THRA: variants seen among roughly 807,000 people sequenced by gnomAD.
The protein encoded by THRA is thyroid hormone receptor alpha.
Under a neutral mutation model 45.0 loss-of-function variants are expected in THRA, and 13 were observed. The ratio of observed to expected loss-of-function variants is 0.29; its 90% confidence interval spans 0.19 to 0.46. The LOEUF (loss-of-function observed/expected upper bound fraction) is 0.46. Ranked by LOEUF, THRA falls within the 20% of genes least tolerant of loss-of-function variation. THRA has a pLI of 1.00. For synonymous variants in THRA, 195 were observed against 214.0 expected (o/e 0.91, Z 0.78); for missense variants, 278 against 556.1 (o/e 0.50, Z 5.03).
downstream of THRA, chr17:40,093,425 C>T (rs557357052): frequency 1.7e-4 from 262 of 1,577,290 alleles, 1 homozygote; most frequent in South Asian, 1.7e-3. The surrounding 1 kb of genome is among the most constrained non-coding windows in gnomAD (Gnocchi z 5.9). Context: ...GAGTGCCATA[C>T]CTTCTCCCAG....
chr17:40,065,773 G>T (rs936292480), intron 1 of THRA, among the ~76,000 whole-genome samples: 4 of 42,746 alleles, frequency 9.4e-5, no homozygotes, highest in Middle Eastern at 0.011. Flanking sequence ...AATGGGGGAA[G>T]GGGGGGGGGG....
intron 4 of THRA, among the ~76,000 whole-genome samples, chr17:40,078,375 A>G (rs1004462776): frequency 1.1e-4 from 17 of 152,170 alleles, no homozygotes; most frequent in Non-Finnish European, 2.4e-4. Context: ...CCAGCTACTC[A>G]GGAGGCTGAG....
upstream of THRA, chr17:40,062,279 A>T (rs1986383464): frequency 1.3e-5 from 2 of 152,086 alleles, no homozygotes; most frequent in African/African-American, 4.8e-5. Context: ...GAGGCAGTGG[A>T]TCGGTATTGA....
rs1036996678 is a variant in THRA at position 40,086,640 on chromosome 17, G to A, written c.577-67G>A. On this transcript the variant is annotated intron_variant, in intron 6 of 8. Transcript: ENST00000450525. ...GCTGCCTTGGAGCTCCCCCTGGTGGGCAGGGAGCCTCAGTGAGAGGCTGAA... is the reference window on the plus strand; with the variant it reads ...GCTGCCTTGGAGCTCCCCCTGGTGGACAGGGAGCCTCAGTGAGAGGCTGAA... The A allele has an allele frequency of 5.7e-6, 9 of 1,572,642 alleles. No individual in the cohort carries two copies. In the African/African-American group the frequency reaches 9.4e-5, roughly 17 times the overall value.
At chr17:40,093,339 C>T (rs750131551), downstream of THRA, 18 of 1,612,988 alleles carry the variant, frequency 1.1e-5, no homozygotes, top group South Asian at 8.8e-5. The surrounding 1 kb of genome is among the most constrained non-coding windows in gnomAD (Gnocchi z 5.9). Context: ...GAGGAGGAAC[C>T]GGAGGTCTGC....
chr17:40,086,834 A>T lies in THRA; in HGVS notation c.704A>T (p.Lys235Ile). 1 of 1,614,092 alleles carries T rather than the reference A, an allele frequency of 6.2e-7. No individual in the cohort carries two copies. The highest frequency in any genetic ancestry group is 1.7e-5 in the Admixed American group (1 of 60,006). Residue 235 changes from lysine (K) to isoleucine (I), a missense_variant, in exon 7 of 9, where the codon AAA (lysine) becomes ATA (isoleucine). Physicochemically the swap from Lys to Ile is moderately radical, Grantham distance 102. Transcript: ENST00000450525. ...AITRVVDFAK[K>I]LPMFSELPCE... is the part of the protein sequence containing the mutation. ...ACCCGTGTGGTGGACTTTGCCAAAA[A>T]ACTGCCCATGTTCTCCGAGGTGAGT... is the stretch of plus-strand genomic sequence containing the variant.
chr17:40,077,023 AGTAATT>A, intron 3 of THRA, 85 bp downstream of exon 3: 1 of 1,400,792 alleles, frequency 7.1e-7, no homozygotes, highest in Non-Finnish European at 1.0e-6. Context: ...GATGTGGAAC[AGTAATT>A]CATGTGTTCC....
intron 4 of THRA, 32 bp from the exon 5 acceptor site, chr17:40,083,803 G>T (rs1987228400): frequency 6.4e-7 from 1 of 1,567,762 alleles, no homozygotes; most frequent in African/African-American, 1.4e-5. Context: ...GCCATGTCAT[G>T]ATCACAGCCT....
At chr17:40,076,816 G>A in intron 2 of THRA, 55 bp from the exon 3 acceptor site, 2 of 1,585,954 alleles carry the variant, frequency 1.3e-6, no homozygotes, top group East Asian at 2.2e-5. Context: ...TCTCGGATGA[G>A]AAAGGGGCTA....
chr17:40,089,305 C>A lies in THRA; in HGVS notation c.1082C>A (p.Pro361Gln), dbSNP rs1428715390. The change falls in exon 9 of 9, where the codon CCG (proline) becomes CAG (glutamine). Residue 361 changes from proline to glutamine, a missense_variant. By Grantham distance (76) the Pro-to-Gln change is moderately conservative. Coordinates refer to ENST00000450525, the MANE Select transcript of THRA (RefSeq NM_199334.5). The surrounding 1 kb of genome is among the most constrained non-coding windows in gnomAD (Gnocchi z 6.1). Reference protein sequence around the residue: ...HYVNHRKHNIPHFWPKLLMKV... With the variant: ...HYVNHRKHNIQHFWPKLLMKV... The stretch of plus-strand genomic sequence containing the variant: ...GTCAACCACCGCAAACACAACATTC[C>A]GCACTTCTGGCCCAAGCTGCTGATG... 6.2e-7 allele frequency: 1 copy of A among 1,614,166 alleles called. No individual in the cohort carries two copies. The highest frequency in any genetic ancestry group is 8.5e-7 in the Non-Finnish European group (1 of 1,180,036).
intron 4 of THRA, among the ~76,000 whole-genome samples, 184 bp downstream of exon 4, chr17:40,077,792 G>A (rs534219603): frequency 6.6e-6 from 1 of 152,180 alleles, no homozygotes; most frequent in South Asian, 2.1e-4. Context: ...CCGCCTTCAG[G>A]TTCAAGTGAT....
At chr17:40,077,210 A>C (rs911444975) in intron 3 of THRA, among the ~76,000 whole-genome samples, 2 of 152,140 alleles carry the variant, frequency 1.3e-5, no homozygotes, top group Non-Finnish European at 2.9e-5. Context: ...TGAAGGACTG[A>C]GGGGCTGTAT....
intron 6 of THRA, among the ~76,000 whole-genome samples, chr17:40,085,287 A>C: frequency 6.6e-6 from 1 of 152,128 alleles, no homozygotes; most frequent in East Asian, 1.9e-4. Context: ...GCTTGAGCCC[A>C]GGAGTTTGAG....
At position 40,091,269 on chromosome 17, in the gene THRA, C is replaced by T. The variant is rs1987532660; in HGVS notation, c.*1813C>T. The stretch of plus-strand genomic sequence containing the variant: ...ACACACACACACACACACACACACA[C>T]ACGGACATGCACACACGGACATGGG... On this transcript the variant is annotated 3_prime_UTR_variant, in exon 9 of 9. Transcript: ENST00000450525. 6.5e-6 allele frequency: 1 copy of T among 152,904 alleles called. No homozygotes were observed. Among genetic ancestry groups the T allele is most frequent in the Non-Finnish European group, 1.4e-5 (1 of 69,650 alleles). The allele number at this position is 152,904 out of a possible 1,614,324, so 9.5% of individuals were successfully genotyped here.
chr17:40,089,634 C>T lies in THRA; in HGVS notation c.*178C>T, dbSNP rs1598398956. On this transcript the variant is annotated 3_prime_UTR_variant, in exon 9 of 9. Transcript: ENST00000450525. This position sits in a 1 kb window ranked among gnomAD's most constrained non-coding sequence, Gnocchi z 6.1. ...CCAGGTCCCTCCTCAGACCTCCAGC[C>T]CTGGGACAGGGCAAACAACTGAACT... 3 of 1,432,430 alleles carry T rather than the reference C, an allele frequency of 2.1e-6. No homozygotes were observed. Among genetic ancestry groups the T allele is most frequent in the East Asian group, 2.5e-5 (1 of 39,994 alleles). The allele number at this position is 1,432,430 out of a possible 1,614,324, so 88.7% of individuals were successfully genotyped here.
intron 7 of THRA, 118 bp from the exon 8 acceptor site, chr17:40,088,124 C>T (rs1987396702): frequency 7.3e-7 from 1 of 1,376,992 alleles, no homozygotes; most frequent in Admixed American, 2.6e-5. Context: ...ACAAGGTCAG[C>T]CGTTCAGAGT....
At chr17:40,065,733 A>G (rs1986531865) in intron 1 of THRA, among the ~76,000 whole-genome samples, 1 of 134,576 alleles carries the variant, frequency 7.4e-6, no homozygotes. Flanking sequence ...TTAGTGCCGC[A>G]GCTGTGGCCA....
In THRA at chr17:40,090,188, C is replaced by T. The variant is rs1236809514; in HGVS notation, c.*732C>T. The T allele has an allele frequency of 4.4e-6, 1 of 225,572 alleles. No individual in the cohort carries two copies. The highest frequency in any genetic ancestry group is 2.4e-5 in the African/African-American group (1 of 42,032). The allele number at this position is 225,572 out of a possible 1,614,324, so 14.0% of individuals were successfully genotyped here. The stretch of plus-strand genomic sequence containing the variant: ...CCCACATCAGAGAGAAATGCCCCCA[C>T]ACCAGAGCCCCAAGGGTAGGGCTGC... On this transcript the variant is annotated 3_prime_UTR_variant, in exon 9 of 9. Coordinates refer to ENST00000450525, the MANE Select transcript of THRA (RefSeq NM_199334.5).
intron 4 of THRA, among the ~76,000 whole-genome samples, chr17:40,078,110 A>T (rs1987014635): frequency 6.6e-6 from 1 of 152,266 alleles, no homozygotes; most frequent in African/African-American, 2.4e-5. Flanking sequence ...CTATAAAATG[A>T]GGATAATCAT....
Sources: gnomAD v4.1 joint callset for allele counts (sites outside exome capture counted in the v4.1 genomes callset) on GRCh38, gnomAD v4.1.1 for gene constraint, Gnocchi (gnomAD v3.1) non-coding constraint, MANE v1.5 for transcripts, NCBI Gene and HGNC (gene_info 2026-07-23, HGNC 2026-07-21) for gene names.